Variants in TMEM140 observed in about 807,000 individuals in gnomAD.
TMEM140 encodes transmembrane protein 140.
For synonymous variants in TMEM140, 107 were observed against 106.8 expected (o/e 1.00, Z -0.01); for missense variants, 236 against 228.5 (o/e 1.03, Z -0.21).
chr7:135,160,408 A>G (rs1386929794), intron 1 of TMEM140, among the ~76,000 whole-genome samples: 1 of 152,240 alleles, frequency 6.6e-6, no homozygotes, highest in Admixed American at 6.5e-5. Context: ...GGATTGTTTA[A>G]GAAAAGAAAA....
chr7:135,153,893 T>C (rs1829723928), intron 1 of TMEM140, among the ~76,000 whole-genome samples: 1 of 152,250 alleles, frequency 6.6e-6, no homozygotes, highest in Non-Finnish European at 1.5e-5. Context: ...CTTGATTTTT[T>C]AATAGTTTCA....
intron 1 of TMEM140, among the ~76,000 whole-genome samples, chr7:135,152,088 T>A (rs10274875): frequency 0.49 from 73,802 of 152,092 alleles, 18,268 homozygotes; most frequent in South Asian, 0.66. Context: ...CTAAATGCCA[T>A]GCACAAATTA....
intron 1 of TMEM140, among the ~76,000 whole-genome samples, chr7:135,148,699 G>A (rs978761977): frequency 6.6e-6 from 1 of 152,142 alleles, no homozygotes; most frequent in East Asian, 1.9e-4. Context: ...TGGTAGTTAC[G>A]AACACATCAT....
intron 1 of TMEM140, among the ~76,000 whole-genome samples, chr7:135,159,612 G>T (rs1483750385): frequency 1.3e-5 from 2 of 152,166 alleles, no homozygotes; most frequent in Non-Finnish European, 2.9e-5. Context: ...TGTTCCAGAG[G>T]ACCTAGTGCA....
At position 135,164,873 on chromosome 7, in the gene TMEM140, C is replaced by T. The variant is rs776136485; in HGVS notation, c.432C>T (p.Leu144=). ...CCTATGTGTGGAAGTGGGTCAGGCTCTCCCTCCCGGGGCCTGGGTTTCTAG... is the reference window on the plus strand; with the variant it reads ...CCTATGTGTGGAAGTGGGTCAGGCTTTCCCTCCCGGGGCCTGGGTTTCTAG... The part of the protein sequence containing the change: ...FLSYVWKWVR[L]SLPGPGFLAL... Residue 144 remains leucine, a synonymous_variant, in exon 2 of 2, where the codon CTC becomes CTT. Transcript: ENST00000275767. 1 of 1,614,174 alleles carries T rather than the reference C, an allele frequency of 6.2e-7. No individual in the cohort carries two copies. The highest frequency in any genetic ancestry group is 8.5e-7 in the Non-Finnish European group (1 of 1,180,004).
chr7:135,161,789 G>A lies in TMEM140; in HGVS notation c.-24-2629G>A, dbSNP rs991298236. On this transcript the variant is annotated intron_variant, in intron 1 of 1. Coordinates refer to ENST00000275767, the MANE Select transcript of TMEM140 (RefSeq NM_018295.5). This position sits in a 1 kb window ranked among gnomAD's most constrained non-coding sequence, Gnocchi z 4.1. ...TGGGACCTCCAGAGCCTTTGACAGTGCCACCCAAGGCAGCAGCCAGGGCTT... is the reference window on the plus strand; with the variant it reads ...TGGGACCTCCAGAGCCTTTGACAGTACCACCCAAGGCAGCAGCCAGGGCTT... Among the ~76,000 whole-genome samples, 1 of 152,156 alleles carries A rather than the reference G, an allele frequency of 6.6e-6. No homozygotes were observed. The highest frequency in any genetic ancestry group is 2.1e-4 in the South Asian group (1 of 4,818).
intron 1 of TMEM140, among the ~76,000 whole-genome samples, chr7:135,157,631 C>T (rs1829827843): frequency 6.6e-6 from 1 of 152,200 alleles, no homozygotes; most frequent in Non-Finnish European, 1.5e-5. Context: ...CAGGTGGTGT[C>T]ATGTGAGTGA....
At chr7:135,162,973 T>C (rs1233228793) in intron 1 of TMEM140, among the ~76,000 whole-genome samples, 2 of 152,242 alleles carry the variant, frequency 1.3e-5, no homozygotes, top group Non-Finnish European at 2.9e-5. Context: ...TTAGGCAGTA[T>C]TTAGCAAGAT....
rs747593448 is a variant in TMEM140 at position 135,164,813 on chromosome 7, T to C, written c.372T>C (p.Ser124=). The C allele has an allele frequency of 4.3e-6, 7 of 1,614,128 alleles. No individual in the cohort carries two copies. The highest frequency in any genetic ancestry group is 5.9e-6 in the Non-Finnish European group (7 of 1,179,954). The change falls in exon 2 of 2, where the codon TCT becomes TCC. Residue 124 remains serine, a synonymous_variant. Coordinates refer to ENST00000275767, the MANE Select transcript of TMEM140 (RefSeq NM_018295.5). ...CAGTGGGCTTCCTGGCTGTGTCCTC[T>C]GTGCTGCTGGCAGGCGGCCTGGGCC... The part of the protein sequence containing the change: ...RLAVGFLAVS[S]VLLAGGLGLF...
At chr7:135,162,527 T>C (rs968577791) in intron 1 of TMEM140, among the ~76,000 whole-genome samples, 8 of 152,334 alleles carry the variant, frequency 5.3e-5, no homozygotes, top group African/African-American at 1.7e-4. Context: ...CTCACAATCA[T>C]GGTGAAAGGC....
intron 1 of TMEM140, among the ~76,000 whole-genome samples, chr7:135,163,123 T>A (rs1360170698): frequency 1.3e-5 from 2 of 152,218 alleles, no homozygotes; most frequent in African/African-American, 2.4e-5. Context: ...CTAGTAATAG[T>A]GTAATGGATG....
At chr7:135,158,759 C>T (rs1335907545) in intron 1 of TMEM140, among the ~76,000 whole-genome samples, 1 of 152,208 alleles carries the variant, frequency 6.6e-6, no homozygotes, top group Non-Finnish European at 1.5e-5. Context: ...CAGCCCACAG[C>T]AGGGCAGCAG....
chr7:135,163,538 G>A (rs71532832), intron 1 of TMEM140, among the ~76,000 whole-genome samples: 5 of 152,206 alleles, frequency 3.3e-5, no homozygotes, highest in South Asian at 2.1e-4. Context: ...CCAGCTACTC[G>A]GGAGGCTGAG....
intron 1 of TMEM140, among the ~76,000 whole-genome samples, chr7:135,156,004 T>C (rs1001567229): frequency 2.4e-4 from 36 of 151,762 alleles, no homozygotes; most frequent in African/African-American, 6.8e-4. Flanking sequence ...TCTGGCAGGA[T>C]ACAAAATTCT....
Position 135,161,386 on chromosome 7 carries a change from G to A in TMEM140, c.-24-3032G>A, listed in dbSNP as rs1338186301. On this transcript the variant is annotated intron_variant, in intron 1 of 1. Coordinates refer to ENST00000275767, the MANE Select transcript of TMEM140 (RefSeq NM_018295.5). This position sits in a 1 kb window ranked among gnomAD's most constrained non-coding sequence, Gnocchi z 4.1. ...CAGAATTCAAATGGGAAAAGTGAGA[G>A]GGAGTGTTTAAACAAAGGCATCCCC... is the stretch of plus-strand genomic sequence containing the variant. Among the ~76,000 whole-genome samples, 1 of 152,166 alleles carries A rather than the reference G, an allele frequency of 6.6e-6. No individual in the cohort carries two copies. The highest frequency in any genetic ancestry group is 1.5e-5 in the Non-Finnish European group (1 of 68,028).
Position 135,164,664 on chromosome 7 carries a change from G to T in TMEM140, c.223G>T (p.Val75Leu). 6.2e-7 allele frequency: 1 copy of T among 1,613,538 alleles called. No homozygotes were observed. The highest frequency in any genetic ancestry group is 8.5e-7 in the Non-Finnish European group (1 of 1,179,436). ...HQFPELEALG[V>L]PRVGLGLARL... ...GTTCCCTGAGCTGGAAGCCCTGGGG[G>T]TGCCTCGGGTTGGCCTGGGCCTGGC... Residue 75 changes from valine (V) to leucine (L), a missense_variant, in exon 2 of 2, where the codon GTG becomes TTG. By Grantham distance (32) the Val-to-Leu change is conservative. Transcript: ENST00000275767.
chr7:135,158,723 G>C (rs1829855838), intron 1 of TMEM140, among the ~76,000 whole-genome samples: 2 of 152,056 alleles, frequency 1.3e-5, no homozygotes, highest in African/African-American at 4.8e-5. Context: ...GTGGGGAGGG[G>C]TGTCTACTCA....
rs1353133466 is a variant in TMEM140 at position 135,161,912 on chromosome 7, G to A, written c.-24-2506G>A. 6.6e-6 allele frequency among the ~76,000 whole-genome samples: 1 copy of A among 152,212 alleles called. No individual in the cohort carries two copies. The highest frequency in any genetic ancestry group is 2.4e-5 in the African/African-American group (1 of 41,462). On this transcript the variant is annotated intron_variant, in intron 1 of 1. Transcript: ENST00000275767. This position sits in a 1 kb window ranked among gnomAD's most constrained non-coding sequence, Gnocchi z 4.1. ...AGAACTGGGCAGACTGCCCAGTGCT[G>A]CTGAGTCCAGAGAAGCGGCATCTGA...
chr7:135,160,891 A>G (rs1321158658), intron 1 of TMEM140, among the ~76,000 whole-genome samples: 1 of 152,222 alleles, frequency 6.6e-6, no homozygotes, highest in African/African-American at 2.4e-5. Flanking sequence ...CTCTTGCTGC[A>G]TGGATCAGAT....
Sources: gnomAD v4.1 joint callset for allele counts (sites outside exome capture counted in the v4.1 genomes callset) on GRCh38, gnomAD v4.1.1 for gene constraint, Gnocchi (gnomAD v3.1) non-coding constraint, MANE v1.5 for transcripts, NCBI Gene and HGNC (gene_info 2026-07-23, HGNC 2026-07-21) for gene names.